The following SUMF1 variants were observed in gnomAD, a reference collection of about 807,000 sequenced individuals.
SUMF1 encodes sulfatase modifying factor 1.
A neutral mutation model predicts 47.6 loss-of-function variants in SUMF1; 48 were observed. The ratio of observed to expected loss-of-function variants is 1.01; its 90% CI spans 0.80 to 1.28. The LOEUF (loss-of-function observed/expected upper bound fraction) is 1.28. SUMF1 is among the 50% of genes most tolerant of loss of function. SUMF1 has a pLI of 0.00. For synonymous variants in SUMF1, 230 were observed against 192.1 expected, an observed-to-expected ratio of 1.20 and a Z score of -1.63; for missense variants, 571 against 485.4, an observed-to-expected ratio of 1.18 and a Z score of -1.66.
chr3:4,303,959 C>A (rs1698068763), intron 8 of SUMF1: 2 of 898,208 alleles, frequency 2.2e-6, no homozygotes, highest in Non-Finnish European at 3.0e-6. Flanking sequence ...TGGTCTCCCT[C>A]ACGCTGTGGG....
Position 4,420,597 on chromosome 3 carries a change from T to C in SUMF1, c.520-451A>G, listed in dbSNP as rs190600654. ...ATTTTTACTAGAGACAGGGTTTCAC[T>C]CTGTTAGCCAGGATGGTCTCGATCT... On this transcript the variant is annotated intron_variant, in intron 3 of 8. Transcript: ENST00000272902. Among the ~76,000 whole-genome samples the C allele has an allele frequency of 9.9e-4, 150 of 152,004 alleles. No homozygotes were observed. In the East Asian group the frequency reaches 0.021, roughly 22 times the overall value.
intron 8 of SUMF1, among the ~76,000 whole-genome samples, chr3:4,206,709 T>C (rs1695660277): frequency 6.6e-6 from 1 of 152,106 alleles, no homozygotes. Context: ...GGTGCTTTCT[T>C]TTGTCAACAG....
intron 9 of SUMF1, among the ~76,000 whole-genome samples, chr3:4,057,156 C>A (rs550244433): frequency 1.3e-5 from 2 of 152,234 alleles, no homozygotes; most frequent in African/African-American, 4.8e-5. Context: ...TGCAGGATGA[C>A]AGAGGGGCAA....
chr3:4,434,592 C>G (rs1038097756), intron 3 of SUMF1, among the ~76,000 whole-genome samples: 1 of 152,098 alleles, frequency 6.6e-6, no homozygotes, highest in African/African-American at 2.4e-5. Flanking sequence ...AGGTACTGTA[C>G]CAGGTGGTAC....
intron 8 of SUMF1, among the ~76,000 whole-genome samples, chr3:4,237,117 A>T (rs925393756): frequency 1.3e-5 from 2 of 152,140 alleles, no homozygotes; most frequent in African/African-American, 2.4e-5. Flanking sequence ...ATAGGGATAT[A>T]TCATAGTTTA....
intron 8 of SUMF1, among the ~76,000 whole-genome samples, chr3:4,117,835 T>C (rs983759479): frequency 6.6e-6 from 1 of 152,118 alleles, no homozygotes; most frequent in Admixed American, 6.6e-5. Context: ...TTGGATCTCA[T>C]TTCCATTGGC....
At chr3:4,370,483 C>G (rs910073916) in intron 8 of SUMF1, among the ~76,000 whole-genome samples, 5 of 152,154 alleles carry the variant, frequency 3.3e-5, no homozygotes, top group Admixed American at 1.3e-4. Context: ...TGTCACTTAT[C>G]TCTTAAATTA....
At chr3:4,188,608 G>A (rs1214534605) in intron 8 of SUMF1, among the ~76,000 whole-genome samples, 3 of 152,090 alleles carry the variant, frequency 2.0e-5, no homozygotes, top group Non-Finnish European at 2.9e-5. Flanking sequence ...ACTATATAAG[G>A]CAGTGTAGCC....
At chr3:4,105,314 T>C (rs1160955617) in intron 8 of SUMF1, among the ~76,000 whole-genome samples, 2 of 152,156 alleles carry the variant, frequency 1.3e-5, no homozygotes, top group Non-Finnish European at 2.9e-5. Context: ...ATCTCTCGCA[T>C]AGGCTGGTGA....
At chr3:4,122,237 G>A (rs1693561555) in intron 8 of SUMF1, among the ~76,000 whole-genome samples, 1 of 152,070 alleles carries the variant, frequency 6.6e-6, no homozygotes, top group Admixed American at 6.5e-5. Flanking sequence ...AAACAATTAT[G>A]GTGTATCCGT....
At chr3:4,265,944 A>C (rs1697184856) in intron 8 of SUMF1, among the ~76,000 whole-genome samples, 1 of 152,074 alleles carries the variant, frequency 6.6e-6, no homozygotes, top group African/African-American at 2.4e-5. Context: ...AGCTTTCTAC[A>C]TATGGCTAGC....
rs778255359 is a variant in SUMF1, at chr3:4,452,884, A to T, written c.436T>A (p.Leu146Met). Residue 146 changes from leucine (L) to methionine (M), a missense_variant, in exon 2 of 9, where the codon TTG (leucine) becomes ATG (methionine). Transcript: ENST00000272902. ...FEKFVNSTGY[L>M]TEAEKFGDSF... ...TTCCCCAATCCCATTACCTCTGTCA[A>T]ATAGCCAGTTGAGTTCACAAACTTC... 3.1e-6 allele frequency: 5 copies of T among 1,614,228 alleles called. No homozygotes were observed. Among genetic ancestry groups the T allele is most frequent in the Non-Finnish European group, 4.2e-6 (5 of 1,180,040 alleles).
intron 8 of SUMF1, among the ~76,000 whole-genome samples, chr3:4,253,594 C>A (rs1274414655): frequency 6.6e-6 from 1 of 151,878 alleles, no homozygotes; most frequent in Non-Finnish European, 1.5e-5. Flanking sequence ...TATCCCACAC[C>A]TGGCTCAGAG....
chr3:4,434,531 C>T (rs746664693), intron 3 of SUMF1, among the ~76,000 whole-genome samples: 5 of 152,072 alleles, frequency 3.3e-5, no homozygotes, highest in Admixed American at 6.6e-5. Flanking sequence ...AGAGATAGTC[C>T]ACTGGAAGAA....
At chr3:4,236,036 T>C (rs1324293781) in intron 8 of SUMF1, among the ~76,000 whole-genome samples, 1 of 151,944 alleles carries the variant, frequency 6.6e-6, no homozygotes, top group Non-Finnish European at 1.5e-5. Flanking sequence ...TCTACCTACC[T>C]GTCTCAAGCC....
rs534550881 is a variant in SUMF1, at chr3:4,366,610, C to T, written c.1015-4356G>A. Among the ~76,000 whole-genome samples, 258 of 151,510 alleles carry T rather than the reference C, an allele frequency of 1.7e-3. 2 individuals are homozygous for T. The highest frequency in any genetic ancestry group is 5.9e-3 in the African/African-American group (243 of 41,284). ...CTCTGTATTGGTTATTCTAGTTATACATTCGTCTAAATTTTTTTCAAAGTT... is the reference window on the plus strand; with the variant it reads ...CTCTGTATTGGTTATTCTAGTTATATATTCGTCTAAATTTTTTTCAAAGTT... On this transcript the variant is annotated intron_variant, in intron 8 of 8. Coordinates refer to ENST00000272902, the MANE Select transcript of SUMF1 (RefSeq NM_182760.4).
chr3:4,132,775 C>T (rs772686023), intron 8 of SUMF1, among the ~76,000 whole-genome samples: 2 of 152,234 alleles, frequency 1.3e-5, no homozygotes, highest in South Asian at 2.1e-4. Flanking sequence ...GCTGTGGTGA[C>T]TGACACAGAC....
chr3:4,160,978 C>G (rs1694563028), intron 8 of SUMF1, among the ~76,000 whole-genome samples: 1 of 152,044 alleles, frequency 6.6e-6, no homozygotes, highest in Admixed American at 6.5e-5. Context: ...GAAGGCTTTC[C>G]AGGTATTCAA....
At chr3:4,097,739 C>G (rs149629936) in intron 8 of SUMF1, among the ~76,000 whole-genome samples, 1 of 152,218 alleles carries the variant, frequency 6.6e-6, no homozygotes, top group African/African-American at 2.4e-5. Context: ...CTTTCAAAAC[C>G]TCTGCAAACC....
Sources: gnomAD v4.1 joint callset for allele counts (sites outside exome capture counted in the v4.1 genomes callset) on GRCh38, gnomAD v4.1.1 for gene constraint, MANE v1.5 for transcripts, NCBI Gene and HGNC (gene_info 2026-07-23, HGNC 2026-07-21) for gene names.